The following PDS5A variants were observed in gnomAD, a reference collection of about 807,000 sequenced individuals.
PDS5A encodes sister chromatid cohesion protein PDS5 homolog A.
PDS5A carries 42 observed loss-of-function variants against 167.1 expected under a neutral mutation model. The ratio of observed to expected loss-of-function variants is 0.25; its 90% CI spans 0.20 to 0.33. The LOEUF (loss-of-function observed/expected upper bound fraction) is 0.33. Ranked by LOEUF, PDS5A falls within the 10% of genes least tolerant of loss-of-function variation. The pLI, the probability that PDS5A is intolerant of heterozygous loss-of-function variation, is 1.00. For synonymous variants in PDS5A, 553 were observed against 554.6 expected, an observed-to-expected ratio of 1.00 and a Z score of 0.04; for missense variants, 1,033 against 1,605.9, an observed-to-expected ratio of 0.64 and a Z score of 6.10.
chr4:39,920,293 G>C, intron 7 of PDS5A, 26 bp downstream of exon 7: 2 of 979,388 alleles, frequency 2.0e-6, no homozygotes, highest in Non-Finnish European at 3.1e-6. Flanking sequence ...ACAAAATATA[G>C]AATAAACATA....
At chr4:39,871,868 T>G (rs1276552816) in intron 21 of PDS5A, among the ~76,000 whole-genome samples, 2 of 151,562 alleles carry the variant, frequency 1.3e-5, no homozygotes. Flanking sequence ...CAAGCCCGGC[T>G]AATTTTTTTG....
chr4:39,954,970 G>A (rs1308035338), intron 2 of PDS5A, among the ~76,000 whole-genome samples: 1 of 151,906 alleles, frequency 6.6e-6, no homozygotes, highest in East Asian at 1.9e-4. Context: ...AACCCAGGAG[G>A]TGGAGGCAGC....
At chr4:39,929,519 CTATA>C (rs58069502) in intron 2 of PDS5A, among the ~76,000 whole-genome samples, 850 of 79,296 alleles carry the variant, frequency 0.011, 15 homozygotes, top group African/African-American at 0.024. Context: ...ACTTAATAAA[CTATA>C]TATATATATA....
At chr4:39,878,722 A>G (rs1400272660) in intron 18 of PDS5A, among the ~76,000 whole-genome samples, 2 of 152,202 alleles carry the variant, frequency 1.3e-5, no homozygotes, top group Non-Finnish European at 2.9e-5. Flanking sequence ...ATGAGGCATC[A>G]TATCAATTCT....
At chr4:39,852,771 T>G (rs1372226502) in intron 26 of PDS5A, among the ~76,000 whole-genome samples, 1 of 152,196 alleles carries the variant, frequency 6.6e-6, no homozygotes, top group Non-Finnish European at 1.5e-5. Context: ...TCAGCTTCCC[T>G]ATGTTCCTTG....
At chr4:39,907,306 A>G (rs1340039784) in intron 11 of PDS5A, among the ~76,000 whole-genome samples, 2 of 152,182 alleles carry the variant, frequency 1.3e-5, no homozygotes, top group African/African-American at 4.8e-5. Flanking sequence ...TCCTGTGACA[A>G]TTTTAAAAGT....
intron 25 of PDS5A, among the ~76,000 whole-genome samples, chr4:39,862,561 A>G (rs1032034684): frequency 6.6e-6 from 1 of 152,182 alleles, no homozygotes; most frequent in Non-Finnish European, 1.5e-5. Context: ...ATCAGATATT[A>G]AACCCATTAA....
intron 22 of PDS5A, among the ~76,000 whole-genome samples, chr4:39,868,890 A>G (rs1408285835): frequency 6.6e-6 from 1 of 152,230 alleles, no homozygotes; most frequent in Non-Finnish European, 1.5e-5. Context: ...TTTAAATCCC[A>G]AATCTGCCAC....
chr4:39,962,757 A>G (rs1266578099), intron 2 of PDS5A, among the ~76,000 whole-genome samples: 4 of 151,986 alleles, frequency 2.6e-5, no homozygotes, highest in Non-Finnish European at 5.9e-5. Context: ...TGAACACACC[A>G]CTGCACTCCA....
chr4:39,838,019 T>G lies in PDS5A; in HGVS notation c.3847A>C (p.Thr1283Pro). 6.2e-7 allele frequency: 1 copy of G among 1,614,026 alleles called. No homozygotes were observed. The highest frequency in any genetic ancestry group is 8.5e-7 in the Non-Finnish European group (1 of 1,179,894). ...RPKSESQGNA[T>P]KNDDLNKPIN... ...GGTTTATTTAGATCATCATTTTTGG[T>G]AGCATTGCCCTGAGATTCAGACTTG... The change falls in exon 32 of 33, where the codon ACC becomes CCC. Residue 1283 changes from threonine (T) to proline (P), a missense_variant. Coordinates refer to ENST00000303538, the MANE Select transcript of PDS5A (RefSeq NM_001100399.2).
At chr4:39,955,311 G>A (rs1728819322) in intron 2 of PDS5A, among the ~76,000 whole-genome samples, 1 of 152,006 alleles carries the variant, frequency 6.6e-6, no homozygotes, top group Non-Finnish European at 1.5e-5. Context: ...TAGAAATATA[G>A]CACTCTAGGG....
At chr4:39,826,217 T>C (rs753379607) in intron 32 of PDS5A, among the ~76,000 whole-genome samples, 1 of 149,882 alleles carries the variant, frequency 6.7e-6, no homozygotes, top group African/African-American at 2.5e-5. Context: ...ATTTCCCTAA[T>C]AGGGAGGGAA....
At position 39,835,269 on chromosome 4, in the gene PDS5A, C is replaced by T. The variant is rs141051960; in HGVS notation, c.4010+2587G>A. Among the ~76,000 whole-genome samples the T allele has an allele frequency of 1.8e-4, 28 of 152,138 alleles. No individual in the cohort carries two copies. In the East Asian group the frequency reaches 4.9e-3, roughly 26 times the overall value. Reference sequence around the variant, plus strand: ...CATAAACATTTAATTTAACCACCTACTGTCACTGAGATTAGAAAACCATCA... The same window carrying T: ...CATAAACATTTAATTTAACCACCTATTGTCACTGAGATTAGAAAACCATCA... On this transcript the variant is annotated intron_variant, in intron 32 of 32. Coordinates refer to ENST00000303538, the MANE Select transcript of PDS5A (RefSeq NM_001100399.2).
At chr4:39,846,156 T>A (rs1399842877) in intron 28 of PDS5A, 2 of 199,302 alleles carry the variant, frequency 1.0e-5, no homozygotes, top group African/African-American at 4.6e-5. Context: ...TTTCATACGG[T>A]TCAATGCAGT....
intron 16 of PDS5A, 175 bp downstream of exon 16, chr4:39,898,214 G>A: frequency 1.6e-6 from 2 of 1,282,568 alleles, no homozygotes; most frequent in Non-Finnish European, 2.0e-6. Context: ...CTGGAATGTG[G>A]CTGAGAGTGA....
At chr4:39,976,220 C>A in intron 2 of PDS5A, 1 of 355,188 alleles carries the variant, frequency 2.8e-6, no homozygotes, top group Non-Finnish European at 5.1e-6. Context: ...GCTTGAAAAC[C>A]AGTAAGTTTT....
Position 39,917,191 on chromosome 4 carries a change from GTAAGAGA to G in PDS5A, c.736-10_736-4del. 1 of 1,529,312 alleles carries G rather than the reference GTAAGAGA, an allele frequency of 6.5e-7. No individual in the cohort carries two copies. Among genetic ancestry groups the G allele is most frequent in the South Asian group, 1.3e-5 (1 of 76,874 alleles). The allele number at this position is 1,529,312 out of a possible 1,614,324, so 94.7% of individuals were successfully genotyped here. A position where few individuals can be genotyped will look rare whatever the true frequency, so the allele number is the denominator to read the frequency against. ...AGCACCAGGACTTGATTGAAAAACTGTAAGAGATATTAAAAACAAAAAGAAAACATCC... is the reference window on the plus strand; with the variant it reads ...AGCACCAGGACTTGATTGAAAAACTGTATTAAAAACAAAAAGAAAACATCC... On this transcript the variant is annotated splice_region_variant and splice_polypyrimidine_tract_variant and intron_variant, in intron 7 of 32. Transcript: ENST00000303538.
intron 30 of PDS5A, among the ~76,000 whole-genome samples, chr4:39,842,473 G>T (rs461304): frequency 0.32 from 48,410 of 152,032 alleles, 8,434 homozygotes; most frequent in Middle Eastern, 0.44. Flanking sequence ...AGGCTATTTG[G>T]TAGGTATTTG....
intron 25 of PDS5A, 46 bp downstream of exon 25, chr4:39,862,823 A>T: frequency 1.6e-6 from 2 of 1,216,658 alleles, no homozygotes; most frequent in Non-Finnish European, 2.4e-6. Context: ...AAAAATGGAT[A>T]CATTGACAAA....
Sources: allele counts gnomAD v4.1 joint callset (sites outside exome capture counted in the v4.1 genomes callset), GRCh38; gene constraint gnomAD v4.1.1; transcripts MANE v1.5; gene names NCBI Gene and HGNC (gene_info 2026-07-23, HGNC 2026-07-21).